RALGAPB: variants seen among roughly 807,000 people sequenced by gnomAD.
RALGAPB encodes Ral GTPase activating protein non-catalytic subunit beta.
RALGAPB carries 25 observed loss-of-function variants against 161.1 expected under a neutral mutation model. The observed-to-expected ratio is 0.16, with a 90% confidence interval of 0.11 to 0.22. The LOEUF (loss-of-function observed/expected upper bound fraction) is 0.22. Ranked by LOEUF, RALGAPB falls within the 10% of genes least tolerant of loss-of-function variation. RALGAPB has a pLI of 1.00. For missense variants in RALGAPB, 1,391 were observed against 1,815.2 expected, an observed-to-expected ratio of 0.77 and a Z score of 4.25; for synonymous variants, 629 against 626.1, an observed-to-expected ratio of 1.00 and a Z score of -0.07.
At chr20:38,529,682 A>G (rs6100082) in intron 13 of RALGAPB, among the ~76,000 whole-genome samples, 11,062 of 151,734 alleles carry the variant, frequency 0.073, 1,402 homozygotes, top group African/African-American at 0.25. Context: ...AATACAAAAA[A>G]GAAAAAAAAA....
chr20:38,517,545 C>T lies in RALGAPB; in HGVS notation c.1091C>T (p.Pro364Leu), dbSNP rs2086166189. 6.2e-7 allele frequency: 1 copy of T among 1,613,222 alleles called. No individual in the cohort carries two copies. ...RPRSDSAPPT[P>L]VNRLSMPQSA... Reference sequence around the variant, plus strand: ...CGATCAGACAGTGCTCCCCCAACACCCGTGAATAGATTAAGTATGCCTCAA... The same window carrying T: ...CGATCAGACAGTGCTCCCCCAACACTCGTGAATAGATTAAGTATGCCTCAA... The change falls in exon 8 of 30, where the codon CCC (proline) becomes CTC (leucine). Residue 364 changes from proline (P) to leucine (L), a missense_variant. Around this residue, in one of 3 missense-constraint regions of RALGAPB, gnomAD observed 946 missense variants for 1,257.2 expected, o/e 0.75. Transcript: ENST00000262879.
At chr20:38,502,225 A>G (rs1317247825) in intron 5 of RALGAPB, among the ~76,000 whole-genome samples, 1 of 152,190 alleles carries the variant, frequency 6.6e-6, no homozygotes, top group Non-Finnish European at 1.5e-5. Context: ...TGTGACACTA[A>G]TCATCTCTGC....
At chr20:38,542,688 A>G (rs1347483955) in intron 18 of RALGAPB, among the ~76,000 whole-genome samples, 2 of 152,106 alleles carry the variant, frequency 1.3e-5, no homozygotes, top group Non-Finnish European at 2.9e-5. Flanking sequence ...CCTCCTGGCC[A>G]GCATGGTGAA....
intron 1 of RALGAPB, 106 bp downstream of exon 1, chr20:38,473,175 TGCTCCAGGG>T (rs1291270529): frequency 3.1e-6 from 1 of 319,424 alleles, no homozygotes; most frequent in Non-Finnish European, 5.7e-6. Flanking sequence ...CGGCTCTGGG[TGCTCCAGGG>T]GCCCGGCCTT....
intron 5 of RALGAPB, chr20:38,499,920 A>C (rs567532362): frequency 5.0e-6 from 1 of 199,688 alleles, no homozygotes; most frequent in South Asian, 1.9e-4. Context: ...TCATTAAAAT[A>C]TGCCTAATCA....
intron 7 of RALGAPB, 60 bp downstream of exon 7, chr20:38,516,430 T>C: frequency 2.0e-6 from 3 of 1,474,944 alleles, no homozygotes; most frequent in Non-Finnish European, 2.8e-6. Flanking sequence ...CTCTAGAGGC[T>C]AACCCTAGGA....
intron 1 of RALGAPB, among the ~76,000 whole-genome samples, chr20:38,485,527 A>C (rs1182081228): frequency 6.6e-6 from 1 of 151,976 alleles, no homozygotes; most frequent in Non-Finnish European, 1.5e-5. Context: ...GCCTGGGTTC[A>C]AGCCTCTCCT....
intron 2 of RALGAPB, 102 bp downstream of exon 2, chr20:38,488,720 C>A: frequency 8.8e-7 from 1 of 1,140,048 alleles, no homozygotes; most frequent in Non-Finnish European, 1.2e-6. Flanking sequence ...TTGAAAAGAG[C>A]TGTAGTAGAA....
rs767402415 is a variant in RALGAPB at position 38,564,912 on chromosome 20, C to CCTT, written c.3698-427_3698-425dup. On this transcript the variant is annotated intron_variant, in intron 24 of 29. Transcript: ENST00000262879. ...TCCTCCTCTTTTCCTCCTCCTCCTC[C>CCTT]CTTCTTCTTCTTCTTCTTCTTCCTC... Among the ~76,000 whole-genome samples, 345 of 150,784 alleles carry CCTT rather than the reference C, an allele frequency of 2.3e-3. 1 individual carries two copies. The highest frequency in any genetic ancestry group is 3.4e-3 in the Middle Eastern group (1 of 292).
At chr20:38,487,902 A>G (rs2085165557) in intron 1 of RALGAPB, among the ~76,000 whole-genome samples, 2 of 152,126 alleles carry the variant, frequency 1.3e-5, no homozygotes, top group African/African-American at 4.8e-5. Flanking sequence ...CCCTGCCTCT[A>G]CTAAAAATAC....
At chr20:38,569,807 T>G in intron 26 of RALGAPB, 81 bp from the exon 27 acceptor site, 1 of 1,024,050 alleles carries the variant, frequency 9.8e-7, no homozygotes, top group South Asian at 1.4e-5. Flanking sequence ...CCTTGACAAA[T>G]GAATGACTGG....
intron 6 of RALGAPB, among the ~76,000 whole-genome samples, chr20:38,514,108 AAG>A (rs1333653754): frequency 1.3e-5 from 2 of 152,196 alleles, no homozygotes; most frequent in African/African-American, 4.8e-5. Context: ...AGGTGAGAAA[AAG>A]AGATTATGTG....
rs2088502002 is a variant in RALGAPB at position 38,578,060 on chromosome 20, A to C, written c.*3093A>C. The C allele has an allele frequency of 6.6e-6, 1 of 152,104 alleles. No individual in the cohort carries two copies. Among genetic ancestry groups the C allele is most frequent in the South Asian group, 2.1e-4 (1 of 4,828 alleles). The allele number at this position is 152,104 out of a possible 1,614,324, so 9.4% of individuals were successfully genotyped here. On this transcript the variant is annotated 3_prime_UTR_variant, in exon 30 of 30. Coordinates refer to ENST00000262879, the MANE Select transcript of RALGAPB (RefSeq NM_020336.4). ...GGTAGGTGGTAAAAATAAATAAATA[A>C]ATAAATAATAAAAAAAGAAACATGT...
intron 1 of RALGAPB, among the ~76,000 whole-genome samples, chr20:38,486,980 C>A (rs1197192141): frequency 6.6e-6 from 1 of 152,298 alleles, no homozygotes; most frequent in South Asian, 2.1e-4. Flanking sequence ...TATCCGTACA[C>A]CACTAATGAA....
intron 13 of RALGAPB, 78 bp from the exon 14 acceptor site, chr20:38,531,089 A>G (rs758820623): frequency 5.8e-6 from 7 of 1,208,668 alleles, no homozygotes; most frequent in African/African-American, 1.5e-5. Flanking sequence ...TATCTGTACT[A>G]TTAATCATAT....
intron 13 of RALGAPB, among the ~76,000 whole-genome samples, chr20:38,528,437 T>A (rs2086540134): frequency 6.6e-6 from 1 of 151,904 alleles, no homozygotes; most frequent in Non-Finnish European, 1.5e-5. Flanking sequence ...AGTGGTGCAA[T>A]CATGGGTCAC....
intron 5 of RALGAPB, among the ~76,000 whole-genome samples, chr20:38,505,641 T>A (rs913851052): frequency 3.3e-5 from 5 of 151,604 alleles, no homozygotes; most frequent in African/African-American, 1.2e-4. Context: ...TTAATATTTT[T>A]AAATTAAGGA....
chr20:38,572,483 A>C (rs2088276687), intron 28 of RALGAPB, among the ~76,000 whole-genome samples: 1 of 152,238 alleles, frequency 6.6e-6, no homozygotes, highest in Admixed American at 6.5e-5. Context: ...CCCCAAATGC[A>C]TTGACCCTGC....
chr20:38,549,603 T>C (rs1451868939), intron 20 of RALGAPB, among the ~76,000 whole-genome samples: 2 of 150,598 alleles, frequency 1.3e-5, no homozygotes, highest in African/African-American at 4.9e-5. Flanking sequence ...CACACACACA[T>C]ATGTATGCTG....
Sources: gnomAD v4.1 joint callset for allele counts (sites outside exome capture counted in the v4.1 genomes callset) on GRCh38, gnomAD v4.1.1 for gene constraint, gnomAD v4.1.1 regional missense constraint, MANE v1.5 for transcripts, NCBI Gene and HGNC (gene_info 2026-07-23, HGNC 2026-07-21) for gene names.